Variants in RANBP2 observed in about 807,000 individuals in gnomAD.
RANBP2 encodes the protein RAN binding protein 2.
A neutral mutation model predicts 303.6 loss-of-function variants in RANBP2; 57 were observed. The observed-to-expected ratio is 0.19, with a 90% CI of 0.15 to 0.23. The LOEUF is 0.23. RANBP2 is among the 10% of genes least tolerant of loss of function. RANBP2 has a pLI of 1.00. For synonymous variants in RANBP2, 1,167 were observed against 1,301.5 expected, an observed-to-expected ratio of 0.90 and a Z score of 2.23; for missense variants, 3,138 against 3,780.8, an observed-to-expected ratio of 0.83 and a Z score of 4.46.
the RANBP2 span, among the ~76,000 whole-genome samples, chr2:109,319,529 G>A: frequency 6.6e-6 from 1 of 152,206 alleles, no homozygotes; most frequent in Non-Finnish European, 1.5e-5. Flanking sequence ...GTACAGATGT[G>A]TATTCTGAGT....
At chr2:109,041,055 C>G in the RANBP2 span, among the ~76,000 whole-genome samples, 1 of 151,968 alleles carries the variant, frequency 6.6e-6, no homozygotes, top group Non-Finnish European at 1.5e-5. Context: ...GACTCCGTCT[C>G]AAAAATAAAA....
the RANBP2 span, chr2:108,791,829 A>G: frequency 1.3e-6 from 2 of 1,545,760 alleles, no homozygotes; most frequent in South Asian, 2.4e-5. Flanking sequence ...AGAACAATCA[A>G]TTCAGTAGTA....
At chr2:109,177,883 C>T in the RANBP2 span, among the ~76,000 whole-genome samples, 5 of 152,210 alleles carry the variant, frequency 3.3e-5, no homozygotes, top group African/African-American at 1.2e-4. Flanking sequence ...TTGTTTAATT[C>T]ACCTTTCTCC....
intron 18 of RANBP2, among the ~76,000 whole-genome samples, chr2:108,760,420 A>G (rs1449288266): frequency 6.6e-6 from 1 of 152,144 alleles, no homozygotes; most frequent in African/African-American, 2.4e-5. Flanking sequence ...ATCCCATCAC[A>G]TGGAAGTACT....
At chr2:109,090,308 C>CCA in the RANBP2 span, among the ~76,000 whole-genome samples, 1,059 of 132,816 alleles carry the variant, frequency 8.0e-3, 23 homozygotes, top group East Asian at 0.027. Flanking sequence ...GGACACCTCG[C>CCA]CTCACACACA....
At chr2:109,503,635 CGTT>C in the RANBP2 span, 2 of 152,224 alleles carry the variant, frequency 1.3e-5, no homozygotes, top group African/African-American at 4.8e-5. Flanking sequence ...TTTAAATTCA[CGTT>C]GTCACCAAAG....
the RANBP2 span, among the ~76,000 whole-genome samples, chr2:108,796,230 A>C: frequency 1.4e-5 from 2 of 142,942 alleles, no homozygotes; most frequent in African/African-American, 5.2e-5. Context: ...TTTTTTTTGT[A>C]TTTTTAGTAG....
At chr2:109,652,227 GT>G in the RANBP2 span, among the ~76,000 whole-genome samples, 93 of 144,272 alleles carry the variant, frequency 6.4e-4, no homozygotes, top group Middle Eastern at 3.6e-3. Context: ...ATTTTTGTTT[GT>G]TTTTTTTTTT....
intron 4 of RANBP2, among the ~76,000 whole-genome samples, chr2:108,733,151 C>T (rs1039746916): frequency 6.6e-6 from 1 of 150,646 alleles, no homozygotes; most frequent in African/African-American, 2.4e-5. Context: ...AGGTTGGCTT[C>T]TTCAGTCACC....
the RANBP2 span, among the ~76,000 whole-genome samples, chr2:108,970,695 A>G: frequency 5.9e-5 from 9 of 152,196 alleles, no homozygotes; most frequent in African/African-American, 1.7e-4. Context: ...CAGAAAAACC[A>G]TAAGGTAGAA....
chr2:108,817,471 T>G, the RANBP2 span, among the ~76,000 whole-genome samples: 2 of 152,070 alleles, frequency 1.3e-5, no homozygotes, highest in Admixed American at 1.3e-4. Context: ...TTTTGTATTT[T>G]TAGTAGAGAC....
chr2:108,776,004 T>TA, intron 24 of RANBP2, 68 bp downstream of exon 24: 2 of 1,389,700 alleles, frequency 1.4e-6, no homozygotes, highest in Non-Finnish European at 2.0e-6. Context: ...GATAGACTTT[T>TA]AAAGGCTGAT....
chr2:109,166,958 G>A, the RANBP2 span, among the ~76,000 whole-genome samples: 1 of 152,146 alleles, frequency 6.6e-6, no homozygotes, highest in Non-Finnish European at 1.5e-5. Context: ...CTACCTTCTT[G>A]TAAAAGGGCC....
chr2:108,883,625 T>G, the RANBP2 span: 2 of 152,286 alleles, frequency 1.3e-5, no homozygotes, highest in African/African-American at 4.8e-5. Flanking sequence ...AATCTTCCAT[T>G]GACCCTTCCA....
At chr2:109,614,838 C>T in the RANBP2 span, 6 of 1,417,364 alleles carry the variant, frequency 4.2e-6, no homozygotes, top group South Asian at 1.5e-5. Flanking sequence ...GGCGCGCGAT[C>T]GGCTCCCCGA....
the RANBP2 span, among the ~76,000 whole-genome samples, chr2:109,073,939 GA>G: frequency 6.0e-5 from 9 of 150,030 alleles, 1 homozygote; most frequent in Non-Finnish European, 7.4e-5. Flanking sequence ...TGACACAAAA[GA>G]AAAAAAGTTA....
the RANBP2 span, among the ~76,000 whole-genome samples, chr2:108,817,567 A>T: frequency 6.6e-6 from 1 of 152,318 alleles, no homozygotes; most frequent in East Asian, 1.9e-4. Flanking sequence ...CTGGGATTAC[A>T]GGCATGAGCC....
the RANBP2 span, among the ~76,000 whole-genome samples, chr2:109,231,397 C>T: frequency 6.6e-6 from 1 of 152,196 alleles, no homozygotes; most frequent in Non-Finnish European, 1.5e-5. Context: ...ATGTTGGCAG[C>T]CTTAGATCTG....
chr2:108,756,011 C>T (rs1057167923), intron 17 of RANBP2, among the ~76,000 whole-genome samples: 1 of 152,124 alleles, frequency 6.6e-6, no homozygotes, highest in African/African-American at 2.4e-5. Flanking sequence ...GGTGTAAACC[C>T]CCGAGCCCAG....
Sources: allele counts gnomAD v4.1 joint callset (sites outside exome capture counted in the v4.1 genomes callset), GRCh38; gene constraint gnomAD v4.1.1; transcripts MANE v1.5; gene names NCBI Gene and HGNC (gene_info 2026-07-23, HGNC 2026-07-21).